NT5DC1: variants seen among roughly 807,000 people sequenced by gnomAD.
NT5DC1 encodes 5'-nucleotidase domain-containing protein 1.
A neutral mutation model predicts 59.4 loss-of-function variants in NT5DC1; 42 were observed. The observed-to-expected ratio is 0.71, with a 90% CI of 0.55 to 0.92. The LOEUF is 0.92. Ranked by LOEUF, NT5DC1 falls within the 40% of genes least tolerant of loss-of-function variation. The pLI is 0.00. For synonymous variants in NT5DC1, 172 were observed against 188.1 expected, an observed-to-expected ratio of 0.91 and a Z score of 0.70; for missense variants, 501 against 537.1, an observed-to-expected ratio of 0.93 and a Z score of 0.66.
chr6:116,124,106 T>A (rs914169406), intron 6 of NT5DC1, among the ~76,000 whole-genome samples: 1 of 152,260 alleles, frequency 6.6e-6, no homozygotes, highest in Non-Finnish European at 1.5e-5. Flanking sequence ...AAGTATCTGT[T>A]GTATACCTGT....
intron 6 of NT5DC1, among the ~76,000 whole-genome samples, chr6:116,195,233 G>A (rs1781198978): frequency 6.6e-6 from 1 of 152,072 alleles, no homozygotes; most frequent in African/African-American, 2.4e-5. Flanking sequence ...AAGAGAAACA[G>A]TGTATCTACT....
At chr6:116,147,263 G>A (rs558709709) in intron 6 of NT5DC1, among the ~76,000 whole-genome samples, 3 of 151,950 alleles carry the variant, frequency 2.0e-5, no homozygotes, top group Admixed American at 2.0e-4. Context: ...CCAACATGGT[G>A]AAATCCCGAC....
chr6:116,207,437 AAG>A (rs1781480367), intron 6 of NT5DC1, among the ~76,000 whole-genome samples: 1 of 151,944 alleles, frequency 6.6e-6, no homozygotes, highest in South Asian at 2.1e-4. Flanking sequence ...TATATAGGTA[AAG>A]ACTAAGTTTA....
In NT5DC1 at chr6:116,166,938, G is replaced by A. The variant is rs73774206; in HGVS notation, c.529+48993G>A. On this transcript the variant is annotated intron_variant, in intron 6 of 11. Transcript: ENST00000319550. Reference sequence around the variant, plus strand: ...AAGAATTGAGCCAAGGAAGTATCTTGCCTTCCTTTCTTGTCTTTATTAATT... The same window carrying A: ...AAGAATTGAGCCAAGGAAGTATCTTACCTTCCTTTCTTGTCTTTATTAATT... Among the ~76,000 whole-genome samples, 345 of 152,166 alleles carry A rather than the reference G, an allele frequency of 2.3e-3. 2 individuals carry two copies. Among genetic ancestry groups the A allele is most frequent in the African/African-American group, 8.2e-3 (339 of 41,530 alleles).
At chr6:116,110,005 T>C (rs1778842398) in intron 3 of NT5DC1, among the ~76,000 whole-genome samples, 1 of 152,212 alleles carries the variant, frequency 6.6e-6, no homozygotes, top group Non-Finnish European at 1.5e-5. Flanking sequence ...ATGTGTACTA[T>C]GTCTTTTCCA....
At chr6:116,121,421 C>G in intron 6 of NT5DC1, 2 of 1,614,148 alleles carry the variant, frequency 1.2e-6, no homozygotes, top group Non-Finnish European at 1.7e-6. Flanking sequence ...ACCTTTGATG[C>G]CTGGCTGTCC....
chr6:116,181,594 G>T (rs1398814224), intron 6 of NT5DC1, among the ~76,000 whole-genome samples: 2 of 151,930 alleles, frequency 1.3e-5, no homozygotes, highest in Non-Finnish European at 2.9e-5. Context: ...GAGGCTTATT[G>T]TCACCACTTT....
intron 6 of NT5DC1, among the ~76,000 whole-genome samples, chr6:116,191,703 T>C (rs1227487258): frequency 1.3e-5 from 2 of 152,078 alleles, no homozygotes; most frequent in Non-Finnish European, 2.9e-5. Context: ...TTGTCTTTTT[T>C]GTGTAATAAT....
chr6:116,243,589 T>C (rs1196415716), intron 11 of NT5DC1, among the ~76,000 whole-genome samples: 2 of 152,218 alleles, frequency 1.3e-5, no homozygotes, highest in African/African-American at 2.4e-5. Context: ...TAAAACCTTT[T>C]TATATTCAAG....
At chr6:116,131,021 A>C (rs1303720842) in intron 6 of NT5DC1, among the ~76,000 whole-genome samples, 1 of 152,098 alleles carries the variant, frequency 6.6e-6, no homozygotes, top group Non-Finnish European at 1.5e-5. Flanking sequence ...GGTTTGTTTC[A>C]TTTTGCTTTC....
chr6:116,189,779 C>G (rs550479486), intron 6 of NT5DC1, among the ~76,000 whole-genome samples: 41 of 151,892 alleles, frequency 2.7e-4, no homozygotes, highest in Admixed American at 2.0e-4. Context: ...TACAAAAATC[C>G]ATTCATATGC....
In NT5DC1 at chr6:116,223,132, G is replaced by A. The variant is rs998278329; in HGVS notation, c.802+1G>A. On this transcript the variant is annotated splice_donor_variant, in intron 8 of 11. Transcript: ENST00000319550. LOFTEE classifies it high-confidence loss of function. Reference sequence around the variant, plus strand: ...AGTCAGAGACCTTTCCGGACACTCGGTAAGTTACATTTGGTTTCTTTCTTT... The same window carrying A: ...AGTCAGAGACCTTTCCGGACACTCGATAAGTTACATTTGGTTTCTTTCTTT... 6 of 1,539,684 alleles carry A rather than the reference G, an allele frequency of 3.9e-6. No homozygotes were observed. Among genetic ancestry groups the A allele is most frequent in the Non-Finnish European group, 5.4e-6 (6 of 1,114,026 alleles).
intron 6 of NT5DC1, among the ~76,000 whole-genome samples, chr6:116,140,834 G>A (rs1779746680): frequency 6.6e-6 from 1 of 152,032 alleles, no homozygotes; most frequent in East Asian, 1.9e-4. Flanking sequence ...ATTTTTCACT[G>A]CTCTGTAGTT....
intron 6 of NT5DC1, among the ~76,000 whole-genome samples, chr6:116,187,628 TA>T (rs888683814): frequency 2.0e-5 from 3 of 152,004 alleles, no homozygotes; most frequent in Non-Finnish European, 2.9e-5. Flanking sequence ...AGGACTGTCA[TA>T]AAGGGTGCCT....
At chr6:116,122,702 G>A (rs1475089534) in intron 6 of NT5DC1, among the ~76,000 whole-genome samples, 3 of 152,176 alleles carry the variant, frequency 2.0e-5, no homozygotes, top group Admixed American at 2.0e-4. Context: ...ACAAGTATGG[G>A]GAAAGCACAG....
chr6:116,169,293 A>G (rs1015199565), intron 6 of NT5DC1, among the ~76,000 whole-genome samples: 4 of 152,154 alleles, frequency 2.6e-5, no homozygotes, highest in Non-Finnish European at 4.4e-5. Context: ...CAGTTAGACA[A>G]TTTGTTCAAA....
chr6:116,148,564 A>C (rs544806691), intron 6 of NT5DC1, among the ~76,000 whole-genome samples: 2 of 152,306 alleles, frequency 1.3e-5, no homozygotes, highest in African/African-American at 4.8e-5. Context: ...TGAACATGTT[A>C]ATTAATAGAA....
intron 3 of NT5DC1, among the ~76,000 whole-genome samples, chr6:116,109,956 C>A (rs1377475169): frequency 1.3e-5 from 2 of 152,110 alleles, no homozygotes; most frequent in East Asian, 3.9e-4. Flanking sequence ...TTCCAAAACC[C>A]CCAGTGGTTC....
intron 5 of NT5DC1, among the ~76,000 whole-genome samples, chr6:116,117,247 C>T (rs1204630692): frequency 2.6e-5 from 4 of 151,886 alleles, no homozygotes; most frequent in African/African-American, 4.8e-5. Flanking sequence ...GACTTTATAA[C>T]GAGTGGAAAT....
Sources: allele counts gnomAD v4.1 joint callset (sites outside exome capture counted in the v4.1 genomes callset), GRCh38; gene constraint gnomAD v4.1.1; transcripts MANE v1.5; gene names NCBI Gene and HGNC (gene_info 2026-07-23, HGNC 2026-07-21).